Variants in RALGAPB observed in about 807,000 individuals in gnomAD.
The protein encoded by RALGAPB is ral GTPase-activating protein subunit beta.
RALGAPB carries 25 observed loss-of-function variants against 161.1 expected under a neutral mutation model. The observed-to-expected ratio is 0.16, with a 90% confidence interval of 0.11 to 0.22. The LOEUF (loss-of-function observed/expected upper bound fraction) is 0.22. Among genes scored for constraint, RALGAPB ranks in the 10% least tolerant of loss-of-function variants. RALGAPB has a pLI of 1.00. For synonymous variants in RALGAPB, 629 were observed against 626.1 expected, an observed-to-expected ratio of 1.00 and a Z score of -0.07; for missense variants, 1,391 against 1,815.2, an observed-to-expected ratio of 0.77 and a Z score of 4.25.
In RALGAPB at chr20:38,548,708, C is replaced by T; in HGVS notation, c.2922C>T (p.Val974=). Residue 974 remains valine (V), a synonymous_variant, in exon 20 of 30, where the codon GTC becomes GTT. Transcript: ENST00000262879. ...TTCTAGATGATTTTTTCCCCTCTGT[C>T]ACTGTGCTGGTCCGGGGAATGTCTG... ...GNEQNDFFPS[V]TVLVRGMSGR... 2 of 1,613,610 alleles carry T rather than the reference C, an allele frequency of 1.2e-6. No homozygotes were observed. Among genetic ancestry groups the T allele is most frequent in the Non-Finnish European group, 8.5e-7 (1 of 1,179,618 alleles).
At chr20:38,493,941 C>T (rs1352019856) in intron 3 of RALGAPB, among the ~76,000 whole-genome samples, 3 of 152,184 alleles carry the variant, frequency 2.0e-5, no homozygotes, top group African/African-American at 7.2e-5. Flanking sequence ...GTCAGACATT[C>T]CTCTAAGACC....
intron 1 of RALGAPB, among the ~76,000 whole-genome samples, chr20:38,475,111 CGCAATCAT>C: frequency 6.6e-6 from 1 of 152,292 alleles, no homozygotes; most frequent in African/African-American, 2.4e-5. Context: ...CACAATCGGA[CGCAATCAT>C]GTCTGTAGGG....
chr20:38,524,644 C>T, intron 10 of RALGAPB, 134 bp from the exon 11 acceptor site: 2 of 683,314 alleles, frequency 2.9e-6, no homozygotes, highest in East Asian at 5.4e-5. Flanking sequence ...TCCAGTAATT[C>T]CAATAATGTC....
At chr20:38,495,221 G>A (rs1176310915) in intron 3 of RALGAPB, among the ~76,000 whole-genome samples, 1 of 152,108 alleles carries the variant, frequency 6.6e-6, no homozygotes, top group Non-Finnish European at 1.5e-5. Flanking sequence ...CATTCAAAAT[G>A]GAGGGAACTG....
At chr20:38,525,051 C>A in intron 11 of RALGAPB, 106 bp downstream of exon 11, 3 of 1,129,888 alleles carry the variant, frequency 2.7e-6, no homozygotes, top group Non-Finnish European at 3.9e-6. Flanking sequence ...TCTTCATAGT[C>A]CAAGAGAACT....
chr20:38,491,963 C>T (rs2085293022), intron 2 of RALGAPB, among the ~76,000 whole-genome samples: 1 of 152,206 alleles, frequency 6.6e-6, no homozygotes, highest in Admixed American at 6.5e-5. Context: ...CTGGAATTCA[C>T]TTAAACTTTC....
rs1025331169 is a variant in RALGAPB, at chr20:38,516,268, G to A, written c.949G>A (p.Gly317Arg). Residue 317 changes from glycine (G) to arginine (R), a missense_variant, in exon 7 of 30, where the codon GGA becomes AGA. Gly to Arg is a moderately radical substitution (Grantham distance 125, BLOSUM62 -2). Around this residue, in one of 3 missense-constraint regions of RALGAPB, gnomAD observed 946 missense variants for 1,257.2 expected, o/e 0.75. Coordinates refer to ENST00000262879, the MANE Select transcript of RALGAPB (RefSeq NM_020336.4). Reference protein sequence around the residue: ...KFQEQFLNVSGMPQELNQYPC... With the variant: ...KFQEQFLNVSRMPQELNQYPC... ...TCAGGAACAGTTCTTGAATGTGAGC[G>A]GAATGCCGCAAGAATTGAATCAGTA... is the stretch of plus-strand genomic sequence containing the variant. The A allele has an allele frequency of 1.1e-5, 17 of 1,613,360 alleles. No individual in the cohort carries two copies. The highest frequency in any genetic ancestry group is 4.0e-5 in the African/African-American group (3 of 74,922).
chr20:38,488,251 A>G (rs899603106), intron 1 of RALGAPB, among the ~76,000 whole-genome samples, 152 bp from the exon 2 acceptor site: 2 of 152,182 alleles, frequency 1.3e-5, no homozygotes, highest in African/African-American at 4.8e-5. Context: ...AAAAACATTG[A>G]TAGTTTCATG....
intron 6 of RALGAPB, among the ~76,000 whole-genome samples, chr20:38,510,290 G>A (rs1453906184): frequency 6.6e-6 from 1 of 151,878 alleles, no homozygotes; most frequent in African/African-American, 2.4e-5. Context: ...TACAAGCATC[G>A]AGCCACCGCA....
At chr20:38,479,773 A>G (rs1465104901) in intron 1 of RALGAPB, among the ~76,000 whole-genome samples, 1 of 152,142 alleles carries the variant, frequency 6.6e-6, no homozygotes, top group African/African-American at 2.4e-5. Context: ...TTAATCATCT[A>G]ACTTGACAGT....
intron 15 of RALGAPB, among the ~76,000 whole-genome samples, chr20:38,534,821 G>A (rs888866680): frequency 2.0e-5 from 3 of 152,182 alleles, no homozygotes; most frequent in African/African-American, 7.2e-5. Context: ...CACTGAAACT[G>A]CCAAATCCCA....
Position 38,554,674 on chromosome 20 carries a change from G to A in RALGAPB, c.3372+598G>A, listed in dbSNP as rs188880584. 9.2e-5 allele frequency among the ~76,000 whole-genome samples: 14 copies of A among 152,322 alleles called. No homozygotes were observed. The East Asian group carries it at 2.5e-3, about 27-fold the overall frequency. On this transcript the variant is annotated intron_variant, in intron 22 of 29. Transcript: ENST00000262879. Reference sequence around the variant, plus strand: ...TAAAAGTATCCATCTCATTGATCATGTGAAGATTAAATGTGTTAACTCATA... The same window carrying A: ...TAAAAGTATCCATCTCATTGATCATATGAAGATTAAATGTGTTAACTCATA...
chr20:38,540,889 A>G (rs1432562640), intron 17 of RALGAPB, 152 bp from the exon 18 acceptor site: 22 of 709,278 alleles, frequency 3.1e-5, no homozygotes, highest in Non-Finnish European at 4.9e-5. Context: ...TTATTATATT[A>G]CTATGAAGTT....
intron 4 of RALGAPB, 37 bp downstream of exon 4, chr20:38,497,553 C>T: frequency 6.4e-7 from 1 of 1,573,410 alleles, no homozygotes; most frequent in Non-Finnish European, 8.6e-7. Context: ...TATTTCTGAG[C>T]TCCAAATACA....
chr20:38,494,368 C>T (rs1283127831), intron 3 of RALGAPB, among the ~76,000 whole-genome samples: 3 of 152,208 alleles, frequency 2.0e-5, no homozygotes, highest in Non-Finnish European at 4.4e-5. Context: ...CAGTGGCTCA[C>T]GCCTGTAATC....
intron 26 of RALGAPB, 57 bp downstream of exon 26, chr20:38,567,289 A>G: frequency 1.3e-6 from 2 of 1,576,162 alleles, no homozygotes; most frequent in Non-Finnish European, 1.7e-6. Context: ...GGGTAATTAT[A>G]GAATCCTGCC....
chr20:38,521,768 T>C (rs2086297679), intron 10 of RALGAPB, 70 bp downstream of exon 10: 8 of 1,492,750 alleles, frequency 5.4e-6, no homozygotes, highest in Non-Finnish European at 7.4e-6. Context: ...GTTGGCCGAC[T>C]GAACCGATGA....
rs777056235 is a variant in RALGAPB at position 38,553,988 on chromosome 20, A to T, written c.3284A>T (p.Asp1095Val). The change falls in exon 22 of 30, where the codon GAT becomes GTT. Residue 1095 changes from aspartate to valine, a missense_variant. Physicochemically the swap from Asp to Val is radical, Grantham distance 152. Coordinates refer to ENST00000262879, the MANE Select transcript of RALGAPB (RefSeq NM_020336.4). ...QKRSFPDPVT[D>V]CKPPPPAQEF... ...AGAAGTTTTCCTGACCCAGTTACGG[A>T]TTGCAAGCCCCCGCCTCCTGCCCAG... is the stretch of plus-strand genomic sequence containing the variant. 2.5e-5 allele frequency: 41 copies of T among 1,613,700 alleles called. No homozygotes were observed. The highest frequency in any genetic ancestry group is 3.3e-4 in the Middle Eastern group (2 of 6,084).
chr20:38,488,719 G>A (rs2085189857), intron 2 of RALGAPB, 101 bp downstream of exon 2: 2 of 1,143,024 alleles, frequency 1.7e-6, no homozygotes, highest in South Asian at 3.1e-5. Context: ...TTTGAAAAGA[G>A]CTGTAGTAGA....
Sources: gnomAD v4.1 joint callset for allele counts (sites outside exome capture counted in the v4.1 genomes callset) on GRCh38, gnomAD v4.1.1 for gene constraint, gnomAD v4.1.1 regional missense constraint, MANE v1.5 for transcripts, NCBI Gene and HGNC (gene_info 2026-07-23, HGNC 2026-07-21) for gene names.